The following VEPH1 variants were observed in gnomAD, a reference collection of about 807,000 sequenced individuals.
The protein encoded by VEPH1 is ventricular zone-expressed PH domain-containing protein homolog 1.
VEPH1 carries 80 observed loss-of-function variants against 85.2 expected under a neutral mutation model. The ratio of observed to expected loss-of-function variants is 0.94; its 90% CI spans 0.78 to 1.13. The LOEUF is 1.13. Among genes scored for constraint, VEPH1 ranks in the 50% most tolerant of loss-of-function variants. VEPH1 has a pLI of 0.00. For synonymous variants in VEPH1, 297 were observed against 348.0 expected (o/e 0.85, Z 1.63); for missense variants, 955 against 980.5 (o/e 0.97, Z 0.35).
chr3:157,324,578 A>G (rs139402528), intron 9 of VEPH1, among the ~76,000 whole-genome samples: 109 of 151,954 alleles, frequency 7.2e-4, no homozygotes, highest in Non-Finnish European at 1.1e-3. Context: ...ACGTGAGAAC[A>G]TGTGGTGTTT....
intron 2 of VEPH1, 133 bp downstream of exon 2, chr3:157,495,079 G>A: frequency 3.5e-6 from 3 of 861,254 alleles, no homozygotes; most frequent in Non-Finnish European, 1.7e-6. Flanking sequence ...AAACCACAGA[G>A]CAGATTAAGA....
intron 5 of VEPH1, among the ~76,000 whole-genome samples, chr3:157,420,198 A>G (rs757120856): frequency 6.6e-6 from 1 of 152,022 alleles, no homozygotes; most frequent in South Asian, 2.1e-4. Flanking sequence ...GGGGAGGGAA[A>G]GTATCAGGTA....
intron 11 of VEPH1, among the ~76,000 whole-genome samples, chr3:157,293,269 A>G (rs1717746223): frequency 6.6e-6 from 1 of 152,172 alleles, no homozygotes; most frequent in South Asian, 2.1e-4. Context: ...GCATTTCAGT[A>G]TTCTGCATGA....
intron 9 of VEPH1, among the ~76,000 whole-genome samples, chr3:157,340,840 T>A (rs1168526478): frequency 6.6e-6 from 1 of 152,138 alleles, no homozygotes; most frequent in Non-Finnish European, 1.5e-5. Flanking sequence ...CAGAGGAACA[T>A]TCAGGCAGCA....
In VEPH1 at chr3:157,268,527, T is replaced by G. The variant is rs140464711; in HGVS notation, c.2129-2865A>C. Among the ~76,000 whole-genome samples, 135 of 152,316 alleles carry G rather than the reference T, an allele frequency of 8.9e-4. 1 individual carries two copies. The East Asian group carries it at 0.024, about 27-fold the overall frequency. ...AGAAAATGGTAATCTAATTGTAATA[T>G]CTGAAGGTTTTTAATATTAACTTAG... On this transcript the variant is annotated intron_variant, in intron 12 of 13. Coordinates refer to ENST00000362010, the MANE Select transcript of VEPH1 (RefSeq NM_001167912.2).
rs570273938 is a variant in VEPH1 at position 157,368,780 on chromosome 3, C to T, written c.1128-4268G>A. Reference sequence around the variant, plus strand: ...TGCTGGGATTACAGGCGTGAGCCACCGAGCCTGGCTAACAGTAAGTATTTT... The same window carrying T: ...TGCTGGGATTACAGGCGTGAGCCACTGAGCCTGGCTAACAGTAAGTATTTT... On this transcript the variant is annotated intron_variant, in intron 7 of 13. Coordinates refer to ENST00000362010, the MANE Select transcript of VEPH1 (RefSeq NM_001167912.2). 2.6e-5 allele frequency among the ~76,000 whole-genome samples: 4 copies of T among 152,156 alleles called. 1 individual carries two copies. In the South Asian group the frequency reaches 8.3e-4, roughly 32 times the overall value.
At chr3:157,444,196 C>T (rs111411225) in intron 4 of VEPH1, among the ~76,000 whole-genome samples, 1,587 of 152,210 alleles carry the variant, frequency 0.01, 10 homozygotes, top group Non-Finnish European at 0.018. Context: ...ATGTTGTGGG[C>T]CCACAGTGAT....
At chr3:157,450,164 T>A (rs1406883081) in intron 4 of VEPH1, among the ~76,000 whole-genome samples, 1 of 151,528 alleles carries the variant, frequency 6.6e-6, no homozygotes, top group East Asian at 1.9e-4. Flanking sequence ...CAAGCTATTT[T>A]CCCACTTCAG....
In VEPH1 at chr3:157,381,169, C is replaced by T. The variant is rs778011033; in HGVS notation, c.1114G>A (p.Ala372Thr). 1 of 1,613,500 alleles carries T rather than the reference C, an allele frequency of 6.2e-7. No individual in the cohort carries two copies. The highest frequency in any genetic ancestry group is 1.3e-5 in the African/African-American group (1 of 75,014). ...LLTRQLENTK[A>T]GSGRRKISTE... ...GCTCTTGCTCACCTGCCACTTCCAGCCTTGGTATTTTCCAGTTGTCGGGTA... is the reference window on the plus strand; with the variant it reads ...GCTCTTGCTCACCTGCCACTTCCAGTCTTGGTATTTTCCAGTTGTCGGGTA... Residue 372 changes from alanine (A) to threonine (T), a missense_variant, in exon 7 of 14, where the codon GCT becomes ACT. By Grantham distance (58) the Ala-to-Thr change is moderately conservative. Coordinates refer to ENST00000362010, the MANE Select transcript of VEPH1 (RefSeq NM_001167912.2).
At position 157,271,896 on chromosome 3, in the gene VEPH1, T is replaced by A. The variant is rs529597927; in HGVS notation, c.2129-6234A>T. Among the ~76,000 whole-genome samples the A allele has an allele frequency of 2.0e-5, 3 of 152,346 alleles. No homozygotes were observed. The East Asian group carries it at 5.8e-4, about 29-fold the overall frequency. ...ATAAAAATAAAAAGTGGAAACTGTA[T>A]TTCTCAACATAAACTCCATCAAGTT... On this transcript the variant is annotated intron_variant, in intron 12 of 13. Coordinates refer to ENST00000362010, the MANE Select transcript of VEPH1 (RefSeq NM_001167912.2).
chr3:157,378,156 C>T (rs976467932), intron 7 of VEPH1, among the ~76,000 whole-genome samples: 10 of 152,058 alleles, frequency 6.6e-5, no homozygotes, highest in Admixed American at 1.3e-4. Context: ...TCTGAAACCA[C>T]GTCATTAAAA....
chr3:157,473,969 ATGT>A (rs1306925286), intron 2 of VEPH1, among the ~76,000 whole-genome samples: 1 of 152,178 alleles, frequency 6.6e-6, no homozygotes, highest in Non-Finnish European at 1.5e-5. Flanking sequence ...TTCCTGGAAC[ATGT>A]TGTACTGGAT....
At chr3:157,271,158 G>A (rs1029010214) in intron 12 of VEPH1, among the ~76,000 whole-genome samples, 1 of 152,160 alleles carries the variant, frequency 6.6e-6, no homozygotes, top group Admixed American at 6.5e-5. Context: ...AGGCTTTCTA[G>A]GTGTAAGATC....
intron 3 of VEPH1, among the ~76,000 whole-genome samples, chr3:157,464,745 T>G (rs991463998): frequency 6.6e-6 from 1 of 152,204 alleles, no homozygotes; most frequent in Non-Finnish European, 1.5e-5. Context: ...TTGAAAAGAA[T>G]GAAGCTAAGT....
chr3:157,436,979 T>C lies in VEPH1; in HGVS notation c.530-8491A>G, dbSNP rs35948036. Reference sequence around the variant, plus strand: ...GTTTTGTGCTCTCTGGTCTGCAGTGTTGGCCGAGAACTCGGATGATTATGA... The same window carrying C: ...GTTTTGTGCTCTCTGGTCTGCAGTGCTGGCCGAGAACTCGGATGATTATGA... On this transcript the variant is annotated intron_variant, in intron 4 of 13. Transcript: ENST00000362010. 0.011 allele frequency: 17,839 copies of C among 1,614,060 alleles called. 97 individuals carry two copies. The highest frequency in any genetic ancestry group is 0.013 in the Non-Finnish European group (15,285 of 1,179,926).
chr3:157,442,407 AT>A (rs1185278242), intron 4 of VEPH1: 11 of 1,613,494 alleles, frequency 6.8e-6, no homozygotes, highest in Non-Finnish European at 5.1e-6. Context: ...TTCCAAGAAG[AT>A]TTTTGGAAGC....
At chr3:157,499,610 C>CT (rs1410211867) in intron 1 of VEPH1, 1 of 152,204 alleles carries the variant, frequency 6.6e-6, no homozygotes, top group Non-Finnish European at 1.5e-5. Flanking sequence ...AGGTGACAGG[C>CT]TGCACCTCAC....
chr3:157,404,765 A>G (rs1412963111), intron 6 of VEPH1, among the ~76,000 whole-genome samples: 2 of 152,304 alleles, frequency 1.3e-5, no homozygotes, highest in Non-Finnish European at 2.9e-5. Flanking sequence ...GCCATAGGCA[A>G]AGAAATGCAA....
intron 7 of VEPH1, among the ~76,000 whole-genome samples, chr3:157,374,598 G>A (rs1727889438): frequency 6.6e-6 from 1 of 152,222 alleles, no homozygotes; most frequent in Non-Finnish European, 1.5e-5. Flanking sequence ...GGACACAGAA[G>A]GACACCTAAT....
Sources: allele counts gnomAD v4.1 joint callset (sites outside exome capture counted in the v4.1 genomes callset), GRCh38; gene constraint gnomAD v4.1.1; transcripts MANE v1.5; gene names NCBI Gene and HGNC (gene_info 2026-07-23, HGNC 2026-07-21).